AHCYL2: variants seen among roughly 807,000 people sequenced by gnomAD.
AHCYL2 encodes the protein S-adenosylhomocysteine hydrolase-like protein 2.
A neutral mutation model predicts 81.4 loss-of-function variants in AHCYL2; 28 were observed. The observed-to-expected ratio is 0.34, with a 90% CI of 0.25 to 0.47. The LOEUF (loss-of-function observed/expected upper bound fraction) is 0.47, where lower values mean the gene tolerates loss of function less well. Ranked by LOEUF, AHCYL2 falls within the 20% of genes least tolerant of loss-of-function variation. The probability of loss-of-function intolerance (pLI) is 1.00; values close to 1 mark genes in which losing one functional copy is unlikely to be tolerated. For missense variants in AHCYL2, 551 were observed against 785.1 expected, an observed-to-expected ratio of 0.70 and a Z score of 3.56; for synonymous variants, 272 against 290.2, an observed-to-expected ratio of 0.94 and a Z score of 0.64.
At chr7:129,298,843 T>C (rs964236105) in intron 1 of AHCYL2, among the ~76,000 whole-genome samples, 19 of 152,230 alleles carry the variant, frequency 1.2e-4, no homozygotes, top group Non-Finnish European at 1.5e-5. Flanking sequence ...GAAATAATTA[T>C]CACAATCATT....
chr7:129,271,145 G>A (rs961798299), intron 1 of AHCYL2, among the ~76,000 whole-genome samples: 1 of 151,866 alleles, frequency 6.6e-6, no homozygotes, highest in African/African-American at 2.4e-5. Context: ...GGCGGATCAC[G>A]AGGTCAGGAG....
chr7:129,241,914 T>C (rs1271386552), intron 1 of AHCYL2, among the ~76,000 whole-genome samples: 5 of 152,028 alleles, frequency 3.3e-5, no homozygotes, highest in Admixed American at 6.6e-5. Context: ...TCCTTCTCTA[T>C]TCATTCTCCT....
chr7:129,365,930 G>A (rs1462583272), intron 1 of AHCYL2, among the ~76,000 whole-genome samples: 1 of 152,086 alleles, frequency 6.6e-6, no homozygotes, highest in Non-Finnish European at 1.5e-5. Flanking sequence ...GATTGTAGAT[G>A]TGTTGCATTT....
At chr7:129,370,406 A>ACCGGG (rs1243930483) in intron 1 of AHCYL2, among the ~76,000 whole-genome samples, 1 of 120,538 alleles carries the variant, frequency 8.3e-6, no homozygotes, top group East Asian at 2.7e-4. Context: ...AATAAATAAA[A>ACCGGG]AAATTTGCAG....
chr7:129,267,514 A>G (rs1795856863), intron 1 of AHCYL2, among the ~76,000 whole-genome samples: 1 of 152,008 alleles, frequency 6.6e-6, no homozygotes. Context: ...CATGTTGTCC[A>G]AGCTGGTCTC....
At chr7:129,233,839 C>T (rs998913316) in intron 1 of AHCYL2, among the ~76,000 whole-genome samples, 2 of 152,026 alleles carry the variant, frequency 1.3e-5, no homozygotes, top group African/African-American at 2.4e-5. Flanking sequence ...AGGCTTTATG[C>T]CTCATTATAA....
Position 129,409,509 on chromosome 7 carries a change from G to T in AHCYL2, c.1329G>T (p.Glu443Asp). The T allele has an allele frequency of 6.2e-7, 1 of 1,613,780 alleles. No individual in the cohort carries two copies. The highest frequency in any genetic ancestry group is 8.5e-7 in the Non-Finnish European group (1 of 1,179,838). ...MDGFRLVKLN[E>D]VIRQVDIVIT... ...GATTTCGACTGGTGAAATTAAATGAGGTCATCCGACAAGTGGACATTGTTA... is the reference window on the plus strand; with the variant it reads ...GATTTCGACTGGTGAAATTAAATGATGTCATCCGACAAGTGGACATTGTTA... Residue 443 changes from glutamate to aspartate, a missense_variant, in exon 11 of 17, where the codon GAG becomes GAT. Physicochemically the swap from Glu to Asp is conservative, Grantham distance 45 (BLOSUM62 2). Around this residue, in one of 2 missense-constraint regions of AHCYL2, gnomAD observed 316 missense variants for 543.1 expected, o/e 0.58. Coordinates refer to ENST00000325006, the MANE Select transcript of AHCYL2 (RefSeq NM_015328.4).
intron 12 of AHCYL2, among the ~76,000 whole-genome samples, chr7:129,415,091 A>G (rs1796780637): frequency 6.6e-6 from 1 of 152,224 alleles, no homozygotes; most frequent in Non-Finnish European, 1.5e-5. Flanking sequence ...TTTTGCTTAC[A>G]ATGAACAATT....
At chr7:129,281,217 C>T (rs1040697861) in intron 1 of AHCYL2, among the ~76,000 whole-genome samples, 1 of 152,000 alleles carries the variant, frequency 6.6e-6, no homozygotes. Context: ...GTAAATTTCA[C>T]TTGATTGTGA....
chr7:129,239,141 A>T (rs763341553), intron 1 of AHCYL2, among the ~76,000 whole-genome samples: 7 of 152,214 alleles, frequency 4.6e-5, no homozygotes, highest in Non-Finnish European at 1.5e-5. Flanking sequence ...AGCTAATCTG[A>T]TAAACGTGTA....
rs113447222 is a variant in AHCYL2 at position 129,324,106 on chromosome 7, C to T, written c.364-55532C>T. On this transcript the variant is annotated intron_variant, in intron 1 of 16. Transcript: ENST00000325006. ...AGATGTTGGCCAGGATGGTCTTGAA[C>T]TCCTGACCTTTGATGATCCACCCGC... is the stretch of plus-strand genomic sequence containing the variant. Among the ~76,000 whole-genome samples the T allele has an allele frequency of 6.4e-4, 97 of 152,120 alleles. 1 individual carries two copies. Among genetic ancestry groups the T allele is most frequent in the Non-Finnish European group, 1.1e-3 (75 of 68,014 alleles).
chr7:129,391,109 A>G (rs942561728), intron 4 of AHCYL2, among the ~76,000 whole-genome samples: 3 of 152,212 alleles, frequency 2.0e-5, no homozygotes, highest in Non-Finnish European at 2.9e-5. Context: ...TATTTGTACT[A>G]TTTCACAGTA....
rs1796238891 is a variant in AHCYL2, at chr7:129,405,121, G to A, written c.1050G>A (p.Gly350=). Residue 350 remains glycine, a synonymous_variant, in exon 8 of 17, where the codon GGG becomes GGA. Transcript: ENST00000325006. ...GGCTGTACCAACTGTCCAAAGCTGGGAAGCTGTGTGTTCCAGCCATGAATG... is the reference window on the plus strand; with the variant it reads ...GGCTGTACCAACTGTCCAAAGCTGGAAAGCTGTGTGTTCCAGCCATGAATG... The part of the protein sequence containing the change: ...VHRLYQLSKA[G]KLCVPAMNVN... The A allele has an allele frequency of 6.2e-7, 1 of 1,605,692 alleles. No homozygotes were observed. Among genetic ancestry groups the A allele is most frequent in the Non-Finnish European group, 8.5e-7 (1 of 1,176,332 alleles).
chr7:129,405,844 G>C lies in AHCYL2; in HGVS notation c.1151G>C (p.Arg384Thr), dbSNP rs1796280162. ...GTTTTTTTTTCCCCTAGACTTAAAAGGACAACAGACATGATGTTTGGTGGA... is the reference window on the plus strand; with the variant it reads ...GTTTTTTTTTCCCCTAGACTTAAAACGACAACAGACATGATGTTTGGTGGA... ...CRESILDGLK[R>T]TTDMMFGGKQ... The change falls in exon 9 of 17, where the codon AGG becomes ACG. Residue 384 changes from arginine (R) to threonine (T), a missense_variant. This residue lies in a region of AHCYL2 where 316 missense variants were observed against 543.1 expected (regional missense o/e 0.58). Coordinates refer to ENST00000325006, the MANE Select transcript of AHCYL2 (RefSeq NM_015328.4). 1.2e-6 allele frequency: 2 copies of C among 1,612,110 alleles called. No homozygotes were observed. The highest frequency in any genetic ancestry group is 2.2e-5 in the South Asian group (2 of 90,596).
rs189819788 is a variant in AHCYL2 at position 129,310,848 on chromosome 7, G to A, written c.364-68790G>A. Among the ~76,000 whole-genome samples the A allele has an allele frequency of 6.6e-5, 10 of 152,278 alleles. No individual in the cohort carries two copies. In the East Asian group the frequency reaches 1.4e-3, roughly 21 times the overall value. ...TGATGGGCCAGGCGTGGTGGGTCAT[G>A]CTTGTAATTCTAGCACTTTGGGAGG... On this transcript the variant is annotated intron_variant, in intron 1 of 16. Coordinates refer to ENST00000325006, the MANE Select transcript of AHCYL2 (RefSeq NM_015328.4).
At chr7:129,388,919 A>G in intron 2 of AHCYL2, 137 bp from the exon 3 acceptor site, 3 of 845,880 alleles carry the variant, frequency 3.5e-6, no homozygotes, top group Non-Finnish European at 5.4e-6. Flanking sequence ...GCATGTGTAT[A>G]GCCTGCAGGT....
rs192065382 is a variant in AHCYL2, at chr7:129,403,660, A to G, written c.1025+175A>G. On this transcript the variant is annotated intron_variant, in intron 7 of 16. Transcript: ENST00000325006. ...GGGCGGATCACGAGGTCAGGAGATC[A>G]AGACCATCCTGGCTAACACGGTGAA... is the stretch of plus-strand genomic sequence containing the variant. Among the ~76,000 whole-genome samples the G allele has an allele frequency of 1.3e-4, 20 of 151,894 alleles. No homozygotes were observed. The East Asian group carries it at 3.5e-3, about 27-fold the overall frequency.
At chr7:129,410,258 A>G in intron 11 of AHCYL2, 1 of 1,613,892 alleles carries the variant, frequency 6.2e-7, no homozygotes, top group East Asian at 2.2e-5. Flanking sequence ...GCCTCCTACA[A>G]CTTCCACATC....
chr7:129,252,608 A>C (rs1795281192), intron 1 of AHCYL2, among the ~76,000 whole-genome samples: 1 of 152,182 alleles, frequency 6.6e-6, no homozygotes, highest in Admixed American at 6.5e-5. Flanking sequence ...CTTTCCAAAA[A>C]ATTAAAATAT....
Sources: gnomAD v4.1 joint callset for allele counts (sites outside exome capture counted in the v4.1 genomes callset) on GRCh38, gnomAD v4.1.1 for gene constraint, gnomAD v4.1.1 regional missense constraint, MANE v1.5 for transcripts, NCBI Gene and HGNC (gene_info 2026-07-23, HGNC 2026-07-21) for gene names.